Variants in ARPC1B observed in about 807,000 individuals in gnomAD.
ARPC1B encodes actin related protein 2/3 complex subunit 1B.
A neutral mutation model predicts 46.0 loss-of-function variants in ARPC1B; 29 were observed. That is an observed-to-expected ratio of 0.63 (90% CI 0.47 to 0.86). The LOEUF (loss-of-function observed/expected upper bound fraction) is 0.86. Among genes scored for constraint, ARPC1B ranks in the 40% least tolerant of loss-of-function variants. The probability of loss-of-function intolerance (pLI) is 0.00; values close to 1 mark genes in which losing one functional copy is unlikely to be tolerated. For synonymous variants in ARPC1B, 201 were observed against 213.9 expected, an observed-to-expected ratio of 0.94 and a Z score of 0.53; for missense variants, 469 against 529.4, an observed-to-expected ratio of 0.89 and a Z score of 1.12.
At chr7:99,392,976 G>T in intron 8 of ARPC1B, 100 bp downstream of exon 8, 1 of 1,258,966 alleles carries the variant, frequency 7.9e-7, no homozygotes, top group Non-Finnish European at 1.1e-6. Flanking sequence ...CTGGGGCATT[G>T]TGCTGGGACC....
At chr7:99,381,596 A>G (rs1794224375) in intron 1 of ARPC1B, among the ~76,000 whole-genome samples, 1 of 152,142 alleles carries the variant, frequency 6.6e-6, no homozygotes, top group African/African-American at 2.4e-5. Context: ...TGCCCCGTGC[A>G]TGTACACATG....
intron 4 of ARPC1B, chr7:99,389,625 G>A (rs185453782): frequency 2.3e-4 from 89 of 385,074 alleles, no homozygotes; most frequent in African/African-American, 1.7e-3. Context: ...TAGTAGTTGT[G>A]TGACCTCTGG....
Position 99,385,426 on chromosome 7 carries a change from C to T in ARPC1B, c.-13-276C>T, listed in dbSNP as rs562619737. Among the ~76,000 whole-genome samples the T allele has an allele frequency of 3.3e-3, 499 of 152,140 alleles. 2 individuals are homozygous for T. Among genetic ancestry groups the T allele is most frequent in the Non-Finnish European group, 4.5e-3 (303 of 67,980 alleles). The stretch of plus-strand genomic sequence containing the variant: ...CCAGGGAGCATCTCCCCTGTAGTAC[C>T]GTCTCCTCCACCCTGTCCCTGGAGC... On this transcript the variant is annotated intron_variant, in intron 1 of 9. Transcript: ENST00000646101.
In ARPC1B at chr7:99,386,605, C is replaced by T. The variant is rs577223462; in HGVS notation, c.65-80C>T. The T allele has an allele frequency of 9.1e-6, 10 of 1,104,876 alleles. No homozygotes were observed. The African/African-American group carries it at 1.4e-4, about 15-fold the overall frequency. 68.4% of individuals were successfully genotyped at this position (1,104,876 alleles called of 1,614,324 possible). Reference sequence around the variant, plus strand: ...AGTCATGAAAGGTGAGGTGTTGTTGCCTAGGTGCACTGTGTAGTGTGTCCT... The same window carrying T: ...AGTCATGAAAGGTGAGGTGTTGTTGTCTAGGTGCACTGTGTAGTGTGTCCT... On this transcript the variant is annotated intron_variant, in intron 2 of 9. Coordinates refer to ENST00000646101, the MANE Select transcript of ARPC1B (RefSeq NM_005720.4).
At chr7:99,392,122 TG>T (rs2150897342) in intron 7 of ARPC1B, 1 of 153,524 alleles carries the variant, frequency 6.5e-6, no homozygotes, top group Admixed American at 6.5e-5. Flanking sequence ...CCCAGCATGC[TG>T]TCCCAGATGC....
In ARPC1B at chr7:99,394,697, T is replaced by TTAAA; in HGVS notation, c.*208_*209insTAAA. 1.6e-6 allele frequency: 2 copies of TTAAA among 1,228,106 alleles called. No individual in the cohort carries two copies. The highest frequency in any genetic ancestry group is 3.4e-5 in the African/African-American group (1 of 29,364). 76.1% of individuals were successfully genotyped at this position (1,228,106 alleles called of 1,614,324 possible). ...CTTTTTCTTAAATGCTTTCATTTATTGAAAAAAAAAAAAAATGCCCCCAAA... is the reference window on the plus strand; with the variant it reads ...CTTTTTCTTAAATGCTTTCATTTATTTAAAGAAAAAAAAAAAAAATGCCCCCAAA... On this transcript the variant is annotated 3_prime_UTR_variant, in exon 10 of 10. Coordinates refer to ENST00000646101, the MANE Select transcript of ARPC1B (RefSeq NM_005720.4).
At chr7:99,391,321 C>G (rs1794565523) in intron 7 of ARPC1B, 68 bp downstream of exon 7, 2 of 1,455,954 alleles carry the variant, frequency 1.4e-6, no homozygotes, top group African/African-American at 1.4e-5. Flanking sequence ...CAGCAACTCT[C>G]ATCTCCTCCC....
chr7:99,379,502 C>T lies in ARPC1B; in HGVS notation c.-14+4721C>T, dbSNP rs1794145476. Among the ~76,000 whole-genome samples the T allele has an allele frequency of 3.3e-5, 5 of 152,158 alleles. 1 individual carries two copies. The South Asian group carries it at 1.0e-3, about 32-fold the overall frequency. ...GCCTGTAATGCTGAGATCTTTCCTC[C>T]AGGCAACTCCTCCTTGGTTTAGCCT... On this transcript the variant is annotated intron_variant, in intron 1 of 9. Transcript: ENST00000646101.
chr7:99,383,985 A>C (rs1326742386), intron 1 of ARPC1B: 3 of 152,284 alleles, frequency 2.0e-5, no homozygotes, highest in Admixed American at 6.5e-5. Context: ...GGTTAAAAGA[A>C]GGCAGGTGAT....
At chr7:99,393,594 C>G (rs1263010067) in intron 8 of ARPC1B, among the ~76,000 whole-genome samples, 4 of 152,108 alleles carry the variant, frequency 2.6e-5, no homozygotes, top group African/African-American at 4.8e-5. Context: ...CGTGTCCACC[C>G]CGCGGCGAAT....
chr7:99,379,712 A>G (rs1051080018), intron 1 of ARPC1B, among the ~76,000 whole-genome samples: 3 of 152,134 alleles, frequency 2.0e-5, no homozygotes, highest in African/African-American at 7.2e-5. Context: ...GGGAGAGAGT[A>G]TCAAGGCCCA....
Position 99,394,067 on chromosome 7 carries a change from C to G in ARPC1B, c.1028C>G (p.Ser343Trp), listed in dbSNP as rs140507816. The G allele has an allele frequency of 1.2e-6, 2 of 1,613,428 alleles. No homozygotes were observed. Among genetic ancestry groups the G allele is most frequent in the Admixed American group, 1.7e-5 (1 of 60,008 alleles). The change falls in exon 9 of 10, where the codon TCG becomes TGG. Residue 343 changes from serine to tryptophan, a missense_variant. Physicochemically the swap from Ser to Trp is radical, Grantham distance 177 (BLOSUM62 -3). Coordinates refer to ENST00000646101, the MANE Select transcript of ARPC1B (RefSeq NM_005720.4). ...SVLSGGKAKC[S>W]QFCTTGMDGG... ...CTCAGCGGCGGCAAGGCCAAGTGCT[C>G]GCAGTTCTGCACCACTGGCATGGAT...
At position 99,394,511 on chromosome 7, in the gene ARPC1B, T is replaced by G; in HGVS notation, c.*22T>G. On this transcript the variant is annotated 3_prime_UTR_variant, in exon 10 of 10. Coordinates refer to ENST00000646101, the MANE Select transcript of ARPC1B (RefSeq NM_005720.4). The stretch of plus-strand genomic sequence containing the variant: ...ATGACCTGTGAGGAATATGTTGCCT[T>G]CATCCTAGCTGCTGGGGAAGCGGGG... 1 of 1,614,032 alleles carries G rather than the reference T, an allele frequency of 6.2e-7. No individual in the cohort carries two copies. Among genetic ancestry groups the G allele is most frequent in the South Asian group, 1.1e-5 (1 of 91,082 alleles).
intron 1 of ARPC1B, among the ~76,000 whole-genome samples, chr7:99,381,142 C>T (rs1417625065): frequency 6.6e-6 from 1 of 152,184 alleles, no homozygotes; most frequent in Admixed American, 6.5e-5. Flanking sequence ...ATGGTGCTTC[C>T]GGGGCCCTCA....
chr7:99,385,877 G>A (rs1794377267), intron 2 of ARPC1B, 99 bp downstream of exon 2: 1 of 1,253,508 alleles, frequency 8.0e-7, no homozygotes, highest in South Asian at 1.3e-5. Flanking sequence ...CAGGCCCCCG[G>A]ACCATGGGCT....
At chr7:99,389,289 G>C (rs1245478860) in intron 4 of ARPC1B, 1 of 152,876 alleles carries the variant, frequency 6.5e-6, no homozygotes, top group East Asian at 1.9e-4. Context: ...CTGGAGTGCA[G>C]TGTTGTGATC....
Position 99,389,952 on chromosome 7 carries a change from G to A in ARPC1B, c.440G>A (p.Ser147Asn). The change falls in exon 5 of 10, where the codon AGC (serine) becomes AAC (asparagine). Residue 147 changes from serine to asparagine, a missense_variant. Ser to Asn is a conservative substitution (Grantham distance 46, BLOSUM62 1). Transcript: ENST00000646101. ...AAGCCCATCCGCTCCACCGTCCTCAGCCTGGACTGGCACCCCAACAATGTG... is the reference window on the plus strand; with the variant it reads ...AAGCCCATCCGCTCCACCGTCCTCAACCTGGACTGGCACCCCAACAATGTG... ...IKKPIRSTVL[S>N]LDWHPNNVLL... The A allele has an allele frequency of 6.2e-7, 1 of 1,614,188 alleles. No individual in the cohort carries two copies.
At chr7:99,382,402 GA>G (rs112909636) in intron 1 of ARPC1B, among the ~76,000 whole-genome samples, 2,263 of 93,322 alleles carry the variant, frequency 0.024, 30 homozygotes, top group African/African-American at 0.062. Flanking sequence ...ACTTCATCTC[GA>G]AAAAAAAAAA....
At chr7:99,394,205 C>A in intron 9 of ARPC1B, 86 bp downstream of exon 9, 1 of 1,424,530 alleles carries the variant, frequency 7.0e-7, no homozygotes, top group East Asian at 2.4e-5. Flanking sequence ...TGACCCCCAT[C>A]CTTCACTCCT....
Sources: allele counts gnomAD v4.1 joint callset (sites outside exome capture counted in the v4.1 genomes callset), GRCh38; gene constraint gnomAD v4.1.1; transcripts MANE v1.5; gene names NCBI Gene and HGNC (gene_info 2026-07-23, HGNC 2026-07-21).